The following CNTN6 variants were observed in gnomAD, a reference collection of about 807,000 sequenced individuals.
CNTN6 encodes contactin-6.
In CNTN6, 137 loss-of-function variants were observed where a neutral mutation model predicts 122.8. The observed-to-expected ratio is 1.12, with a 90% confidence interval of 0.97 to 1.29. The LOEUF (loss-of-function observed/expected upper bound fraction) is 1.29. CNTN6 is among the 50% of genes most tolerant of loss of function. CNTN6 has a pLI of 0.00. For synonymous variants in CNTN6, 570 were observed against 426.0 expected (o/e 1.34, Z -4.16); for missense variants, 1,634 against 1,223.4 (o/e 1.34, Z -5.01).
intron 19 of CNTN6, among the ~76,000 whole-genome samples, chr3:1,383,971 T>G (rs1692345202): frequency 1.3e-5 from 2 of 152,226 alleles, no homozygotes; most frequent in Admixed American, 6.5e-5. Context: ...CTTTAGCCTC[T>G]TCCCTGTTTC....
Position 1,145,212 on chromosome 3 carries a change from T to C in CNTN6, c.-82-2715T>C, listed in dbSNP as rs527756770. On this transcript the variant is annotated intron_variant, in intron 1 of 22. Transcript: ENST00000446702. ...GATCAACGGGTTTATTATCTCTTGA[T>C]GACTTAATGGAGAGATTATACACTT... Among the ~76,000 whole-genome samples, 5 of 152,336 alleles carry C rather than the reference T, an allele frequency of 3.3e-5. No individual in the cohort carries two copies. In the South Asian group the frequency reaches 6.2e-4, roughly 19 times the overall value.
At chr3:1,366,899 G>A (rs1483902994) in intron 12 of CNTN6, among the ~76,000 whole-genome samples, 1 of 152,120 alleles carries the variant, frequency 6.6e-6, no homozygotes. Context: ...GCATGCTTAT[G>A]TAGAGCTACT....
At chr3:1,314,025 A>C (rs1409742768) in intron 7 of CNTN6, among the ~76,000 whole-genome samples, 6 of 152,088 alleles carry the variant, frequency 3.9e-5, no homozygotes, top group Admixed American at 3.9e-4. Context: ...CAACCTATAA[A>C]TTTGGGGAGG....
rs117569701 is a variant in CNTN6 at position 1,133,703 on chromosome 3, G to A, written c.-82-14224G>A. ...ACAAAGTCAATGCTGTCTTGGATAT[G>A]TGAGCTCAGGGCCATGCAAGATAAA... On this transcript the variant is annotated intron_variant, in intron 1 of 22. Coordinates refer to ENST00000446702, the MANE Select transcript of CNTN6 (RefSeq NM_001289080.2). Among the ~76,000 whole-genome samples, 1,213 of 152,268 alleles carry A rather than the reference G, an allele frequency of 8.0e-3. 55 individuals carry two copies. In the East Asian group the frequency reaches 0.11, roughly 14 times the overall value.
chr3:1,326,116 A>G (rs1701507912), intron 9 of CNTN6, among the ~76,000 whole-genome samples, 165 bp downstream of exon 9: 2 of 151,912 alleles, frequency 1.3e-5, no homozygotes, highest in African/African-American at 4.8e-5. Context: ...AAACTTACAA[A>G]GTAACCCATC....
intron 20 of CNTN6, among the ~76,000 whole-genome samples, chr3:1,393,485 C>G (rs370493553): frequency 7.0e-6 from 1 of 143,116 alleles, no homozygotes; most frequent in Non-Finnish European, 1.5e-5. Context: ...TGCAGCGCAC[C>G]AGCATGGCAC....
intron 2 of CNTN6, among the ~76,000 whole-genome samples, chr3:1,176,272 C>T (rs1304724042): frequency 1.3e-5 from 2 of 152,118 alleles, no homozygotes; most frequent in Non-Finnish European, 2.9e-5. Context: ...ACAAAATTAG[C>T]TGGATATGGT....
At position 1,156,739 on chromosome 3, in the gene CNTN6, A is replaced by C. The variant is rs72999819; in HGVS notation, c.55+8676A>C. ...TCTTTCTTTTTCTTTCTTTTTTTCC[A>C]GTCTCGCTCTGTTGCCAAGGCTGAA... On this transcript the variant is annotated intron_variant, in intron 2 of 22. Transcript: ENST00000446702. Among the ~76,000 whole-genome samples, 10 of 138,106 alleles carry C rather than the reference A, an allele frequency of 7.2e-5. 1 individual carries two copies. Among genetic ancestry groups the C allele is most frequent in the African/African-American group, 1.1e-4 (4 of 37,722 alleles). The allele number at this position is 138,106 out of a possible 152,430, so 90.6% of individuals were successfully genotyped here.
Position 1,372,493 on chromosome 3 carries a change from T to G in CNTN6, c.1668+19T>G. 1 of 1,582,804 alleles carries G rather than the reference T, an allele frequency of 6.3e-7. No individual in the cohort carries two copies. The highest frequency in any genetic ancestry group is 8.6e-7 in the Non-Finnish European group (1 of 1,164,316). ...TGGAGGAGTAAGTTACTGAAATTGT[T>G]AAGTGCTTAATAAAATGAATCAAGT... On this transcript the variant is annotated intron_variant, in intron 13 of 22. Coordinates refer to ENST00000446702, the MANE Select transcript of CNTN6 (RefSeq NM_001289080.2).
rs1298322427 is a variant in CNTN6, at chr3:1,403,698, A to G, written c.*280A>G. 4.8e-6 allele frequency: 1 copy of G among 209,548 alleles called. No individual in the cohort carries two copies. Among genetic ancestry groups the G allele is most frequent in the Non-Finnish European group, 9.4e-6 (1 of 106,782 alleles). The allele number at this position is 209,548 out of a possible 1,614,324, so 13.0% of individuals were successfully genotyped here. On this transcript the variant is annotated 3_prime_UTR_variant, in exon 23 of 23. Coordinates refer to ENST00000446702, the MANE Select transcript of CNTN6 (RefSeq NM_001289080.2). ...TCTTTTAAGTTACTTATATGGAGAA[A>G]ATAAATAACTCCCCTCAATGATGCT...
chr3:1,253,969 C>G (rs28574796), intron 4 of CNTN6, among the ~76,000 whole-genome samples: 3,164 of 152,238 alleles, frequency 0.021, 116 homozygotes, highest in African/African-American at 0.071. Context: ...TTACATGTCT[C>G]TGCGCACACA....
intron 20 of CNTN6, among the ~76,000 whole-genome samples, chr3:1,387,318 A>C (rs970760875): frequency 6.6e-6 from 1 of 152,092 alleles, no homozygotes; most frequent in African/African-American, 2.4e-5. Flanking sequence ...AGAATGGATT[A>C]GTTAACAATG....
chr3:1,295,641 C>T lies in CNTN6; in HGVS notation c.495C>T (p.Tyr165=), dbSNP rs114806249. Residue 165 remains tyrosine, a synonymous_variant, in exon 6 of 23, where the codon TAC becomes TAT. Transcript: ENST00000446702. ...GGACCTTCAATGATAACCCCTTATA[C>T]GTCCAAGAGGACAATAGGCGATTTG... is the stretch of plus-strand genomic sequence containing the variant. The part of the protein sequence containing the change: ...YAWTFNDNPL[Y]VQEDNRRFVS... The T allele has an allele frequency of 6.2e-5, 100 of 1,613,774 alleles. 1 individual carries two copies. The Middle Eastern group carries it at 8.3e-4, about 13-fold the overall frequency.
chr3:1,195,909 T>A (rs1481391279), intron 2 of CNTN6, among the ~76,000 whole-genome samples: 3 of 152,114 alleles, frequency 2.0e-5, no homozygotes, highest in Non-Finnish European at 2.9e-5. Context: ...GTTTTTTTTT[T>A]ATTTTTATTT....
intron 4 of CNTN6, among the ~76,000 whole-genome samples, chr3:1,269,626 T>C (rs2094988933): frequency 6.6e-6 from 1 of 152,166 alleles, no homozygotes; most frequent in African/African-American, 2.4e-5. Context: ...TTATAGAAAA[T>C]CAAATCCAGT....
At chr3:1,270,751 G>GT (rs957496153) in intron 4 of CNTN6, among the ~76,000 whole-genome samples, 1 of 152,176 alleles carries the variant, frequency 6.6e-6, no homozygotes, top group Admixed American at 6.5e-5. Context: ...CGTCTTTGAA[G>GT]TGACCAATAA....
chr3:1,202,608 T>A (rs2093901115), intron 2 of CNTN6, among the ~76,000 whole-genome samples: 1 of 151,616 alleles, frequency 6.6e-6, no homozygotes, highest in Non-Finnish European at 1.5e-5. Flanking sequence ...TAAAATAAAA[T>A]TTTTACAAAG....
At chr3:1,212,564 T>C (rs1270628339) in intron 2 of CNTN6, among the ~76,000 whole-genome samples, 1 of 151,836 alleles carries the variant, frequency 6.6e-6, no homozygotes, top group African/African-American at 2.4e-5. Flanking sequence ...TGTATACACA[T>C]ACACATACAG....
chr3:1,102,858 A>G (rs1307240913), intron 1 of CNTN6, among the ~76,000 whole-genome samples: 1 of 150,756 alleles, frequency 6.6e-6, no homozygotes, highest in Non-Finnish European at 1.5e-5. Flanking sequence ...CTGTAATCCC[A>G]GCACTTTTGG....
Sources: gnomAD v4.1 joint callset for allele counts (sites outside exome capture counted in the v4.1 genomes callset) on GRCh38, gnomAD v4.1.1 for gene constraint, MANE v1.5 for transcripts, NCBI Gene and HGNC (gene_info 2026-07-23, HGNC 2026-07-21) for gene names.